OSBPL1A: variants seen among roughly 807,000 people sequenced by gnomAD.
OSBPL1A encodes the protein oxysterol-binding protein-related protein 1.
A neutral mutation model predicts 137.1 loss-of-function variants in OSBPL1A; 80 were observed. The observed-to-expected ratio is 0.58, with a 90% CI of 0.49 to 0.70. The LOEUF (loss-of-function observed/expected upper bound fraction) is 0.70. Among genes scored for constraint, OSBPL1A ranks in the 30% least tolerant of loss-of-function variants. The pLI is 0.00. For missense variants in OSBPL1A, 970 were observed against 1,129.4 expected (o/e 0.86, Z 2.02); for synonymous variants, 365 against 389.7 (o/e 0.94, Z 0.75).
intron 16 of OSBPL1A, among the ~76,000 whole-genome samples, chr18:24,227,198 C>A (rs1452424815): frequency 6.6e-6 from 1 of 151,746 alleles, no homozygotes. Flanking sequence ...TGGCCAGAAA[C>A]GGACATTTTA....
chr18:24,245,198 C>T (rs2088847063), intron 15 of OSBPL1A, among the ~76,000 whole-genome samples: 1 of 152,062 alleles, frequency 6.6e-6, no homozygotes, highest in Non-Finnish European at 1.5e-5. Context: ...TTGACTCAAG[C>T]GATCCTCCTG....
intron 7 of OSBPL1A, among the ~76,000 whole-genome samples, chr18:24,324,785 T>TAAA (rs1426860005): frequency 8.9e-4 from 85 of 95,072 alleles, no homozygotes; most frequent in African/African-American, 2.7e-3. Flanking sequence ...CTCTGTCTAT[T>TAAA]AAAAAAAAAA....
chr18:24,225,209 G>A lies in OSBPL1A; in HGVS notation c.1445-11C>T, dbSNP rs1225471532. ...TTTCGGACTCGGAATCTGTGGCAGA[G>A]CAGGTTCATAGTTAATGAATTGAAC... On this transcript the variant is annotated splice_polypyrimidine_tract_variant and intron_variant, in intron 16 of 27. Transcript: ENST00000319481. 26 of 1,613,826 alleles carry A rather than the reference G, an allele frequency of 1.6e-5. No individual in the cohort carries two copies. The highest frequency in any genetic ancestry group is 2.1e-5 in the Non-Finnish European group (25 of 1,179,876).
intron 27 of OSBPL1A, among the ~76,000 whole-genome samples, chr18:24,164,154 C>T (rs1373383322): frequency 6.6e-6 from 1 of 152,176 alleles, no homozygotes; most frequent in Non-Finnish European, 1.5e-5. Flanking sequence ...TTTTCTAATA[C>T]ACCATGCTAC....
At chr18:24,376,081 G>T (rs1417697510) in intron 2 of OSBPL1A, among the ~76,000 whole-genome samples, 2 of 152,024 alleles carry the variant, frequency 1.3e-5, no homozygotes, top group Non-Finnish European at 2.9e-5. Flanking sequence ...ATTGCGAAGA[G>T]CAAAAGAACA....
rs1357592587 is a variant in OSBPL1A, at chr18:24,170,508, C to T, written c.2292-55G>A. On this transcript the variant is annotated intron_variant, in intron 23 of 27. Transcript: ENST00000319481. ...AAACCAGTGTTTGTTTTTTTAAAGC[C>T]GACAGCACCTGGTATTCCCAGGCGG... The T allele has an allele frequency of 1.1e-5, 17 of 1,606,602 alleles. No individual in the cohort carries two copies. The African/African-American group carries it at 1.2e-4, about 11-fold the overall frequency.
At chr18:24,349,978 G>A (rs1018442595) in intron 4 of OSBPL1A, among the ~76,000 whole-genome samples, 2 of 152,084 alleles carry the variant, frequency 1.3e-5, no homozygotes, top group African/African-American at 2.4e-5. Flanking sequence ...AACCTAATTC[G>A]CAGGTTTAAA....
intron 7 of OSBPL1A, among the ~76,000 whole-genome samples, chr18:24,324,677 A>T (rs2146130536): frequency 1.3e-5 from 2 of 148,898 alleles, no homozygotes; most frequent in South Asian, 4.3e-4. Flanking sequence ...CCAGCTACTC[A>T]GGAGGCTGAG....
intron 15 of OSBPL1A, among the ~76,000 whole-genome samples, chr18:24,268,279 C>A (rs2089631628): frequency 6.6e-6 from 1 of 152,034 alleles, no homozygotes; most frequent in Non-Finnish European, 1.5e-5. Flanking sequence ...CCACACCCAG[C>A]TAATTTTTTA....
intron 4 of OSBPL1A, chr18:24,357,193 G>C (rs2091551735): frequency 6.6e-6 from 1 of 152,176 alleles, no homozygotes; most frequent in African/African-American, 2.4e-5. Flanking sequence ...TTTCTCTGAA[G>C]ATGATTTTTG....
chr18:24,279,199 G>T (rs1019111859), intron 15 of OSBPL1A, among the ~76,000 whole-genome samples: 2 of 148,884 alleles, frequency 1.3e-5, no homozygotes, highest in African/African-American at 5.0e-5. Flanking sequence ...CAGATGGCTT[G>T]CATCTAGGAG....
chr18:24,323,539 CT>C lies in OSBPL1A; in HGVS notation c.626-4731del, dbSNP rs763234169. ...ACACCCAGCCAGGGTGAGGCTTTTTCTTTTTTTTTTTTTTTTTTTTTTATTA... is the reference window on the plus strand; with the variant it reads ...ACACCCAGCCAGGGTGAGGCTTTTTCTTTTTTTTTTTTTTTTTTTTTATTA... On this transcript the variant is annotated intron_variant, in intron 7 of 27. Coordinates refer to ENST00000319481, the MANE Select transcript of OSBPL1A (RefSeq NM_080597.4). 4.2e-3 allele frequency among the ~76,000 whole-genome samples: 149 copies of C among 35,154 alleles called. 17 individuals carry two copies. Among genetic ancestry groups the C allele is most frequent in the Admixed American group, 0.013 (73 of 5,510 alleles). 23.1% of individuals were successfully genotyped at this position (35,154 alleles called of 152,430 possible). A position where few individuals can be genotyped will look rare whatever the true frequency, so the allele number is the denominator to read the frequency against.
intron 4 of OSBPL1A, among the ~76,000 whole-genome samples, chr18:24,355,734 C>G (rs1417373440): frequency 6.6e-6 from 1 of 152,010 alleles, no homozygotes; most frequent in Non-Finnish European, 1.5e-5. Context: ...CTTGTAAACC[C>G]AGCACTTTGG....
At chr18:24,236,417 A>G (rs530195104) in intron 16 of OSBPL1A, among the ~76,000 whole-genome samples, 110 of 152,260 alleles carry the variant, frequency 7.2e-4, no homozygotes, top group African/African-American at 2.5e-3. Context: ...CAGAGGGAAG[A>G]TGAAGTCATT....
At chr18:24,396,664 C>T (rs1420698016) in intron 1 of OSBPL1A, among the ~76,000 whole-genome samples, 1 of 148,660 alleles carries the variant, frequency 6.7e-6, no homozygotes, top group Non-Finnish European at 1.5e-5. Flanking sequence ...ATTAAGAAAT[C>T]TTCACAATTC....
At chr18:24,294,494 A>G (rs2090254336) in intron 14 of OSBPL1A, among the ~76,000 whole-genome samples, 1 of 152,090 alleles carries the variant, frequency 6.6e-6, no homozygotes, top group Non-Finnish European at 1.5e-5. Flanking sequence ...TCAGCCTCCC[A>G]AAGTGCTGGG....
In OSBPL1A at chr18:24,265,678, AC is replaced by A. The variant is rs146784220; in HGVS notation, c.1281+15163del. ...ATGTAGCAAATAATTAGGCAAAAGA[AC>A]AGCTGACGTCACCAGAGCATAGCAT... On this transcript the variant is annotated intron_variant, in intron 15 of 27. Transcript: ENST00000319481. Among the ~76,000 whole-genome samples the A allele has an allele frequency of 8.9e-3, 1,358 of 152,262 alleles. 20 individuals are homozygous for A. The highest frequency in any genetic ancestry group is 0.031 in the African/African-American group (1,305 of 41,540).
At chr18:24,389,678 C>T (rs748546512) in intron 1 of OSBPL1A, among the ~76,000 whole-genome samples, 1 of 152,126 alleles carries the variant, frequency 6.6e-6, no homozygotes, top group Non-Finnish European at 1.5e-5. Flanking sequence ...CGGTGGCTCA[C>T]GCCTGTACTC....
chr18:24,211,730 G>A (rs568320249), intron 17 of OSBPL1A, among the ~76,000 whole-genome samples: 39 of 152,068 alleles, frequency 2.6e-4, no homozygotes, highest in Admixed American at 9.2e-4. Flanking sequence ...TCAGGAGGCC[G>A]AGGTGGGTAG....
Sources: gnomAD v4.1 joint callset for allele counts (sites outside exome capture counted in the v4.1 genomes callset) on GRCh38, gnomAD v4.1.1 for gene constraint, MANE v1.5 for transcripts, NCBI Gene and HGNC (gene_info 2026-07-23, HGNC 2026-07-21) for gene names.